The following MYBPC2 variants were observed in gnomAD, a reference collection of about 807,000 sequenced individuals.
The protein encoded by MYBPC2 is myosin-binding protein C, fast-type.
MYBPC2 carries 122 observed loss-of-function variants against 137.0 expected under a neutral mutation model. That is an observed-to-expected ratio of 0.89 (90% confidence interval 0.77 to 1.03). The LOEUF (loss-of-function observed/expected upper bound fraction) is 1.03. Among genes scored for constraint, MYBPC2 ranks in the 50% least tolerant of loss-of-function variants. The pLI, the probability that MYBPC2 is intolerant of heterozygous loss-of-function variation, is 0.00. For missense variants in MYBPC2, 1,500 were observed against 1,534.4 expected, an observed-to-expected ratio of 0.98 and a Z score of 0.37; for synonymous variants, 626 against 612.3, an observed-to-expected ratio of 1.02 and a Z score of -0.33.
In MYBPC2 at chr19:50,452,492, G is replaced by GTATCTATC. The variant is rs762606865; in HGVS notation, c.1749+492_1749+493insCTATCTAT. Among the ~76,000 whole-genome samples the GTATCTATC allele has an allele frequency of 6.3e-3, 776 of 123,024 alleles. 8 individuals are homozygous for GTATCTATC. Among genetic ancestry groups the GTATCTATC allele is most frequent in the Admixed American group, 0.016 (206 of 12,552 alleles). The allele number at this position is 123,024 out of a possible 152,430, so 80.7% of individuals were successfully genotyped here. On this transcript the variant is annotated intron_variant, in intron 16 of 27. Transcript: ENST00000357701. ...TGTATGTATGTATGTATGTATGTAT[G>GTATCTATC]TATGTATGTATGTATGTATCTATCT...
intron 20 of MYBPC2, among the ~76,000 whole-genome samples, chr19:50,455,889 C>T (rs1239319209): frequency 6.6e-6 from 1 of 152,174 alleles, no homozygotes; most frequent in African/African-American, 2.4e-5. Context: ...TCTATCCTTC[C>T]ATCCCCCCAT....
chr19:50,455,978 A>G (rs973508960), intron 20 of MYBPC2, among the ~76,000 whole-genome samples: 4 of 151,810 alleles, frequency 2.6e-5, no homozygotes, highest in African/African-American at 9.7e-5. Flanking sequence ...TCCTTCATCC[A>G]TCTTAACATC....
At chr19:50,444,290 T>TCATCCATCCATCCATCCATCCATC (rs66680495) in intron 11 of MYBPC2, among the ~76,000 whole-genome samples, 1 of 117,804 alleles carries the variant, frequency 8.5e-6, no homozygotes, top group Non-Finnish European at 1.9e-5. Context: ...GTCCATCCAT[T>TCATCCATCCATCCATCCATCCATC]CATCCATCCA....
At position 50,442,307 on chromosome 19, in the gene MYBPC2, G is replaced by T; in HGVS notation, c.896G>T (p.Ser299Ile). 6.2e-7 allele frequency: 1 copy of T among 1,609,000 alleles called. No individual in the cohort carries two copies. Among genetic ancestry groups the T allele is most frequent in the Admixed American group, 1.7e-5 (1 of 59,282 alleles). ...AAGAACGGCCAGGAGATCAAACCAA[G>T]CAGCAAGTATGTGTGGGGTGGGCAG... ...WFKNGQEIKP[S>I]SKYVFENVGK... The change falls in exon 9 of 28, where the codon AGC (serine) becomes ATC (isoleucine). Residue 299 changes from serine (S) to isoleucine (I), a missense_variant. Transcript: ENST00000357701.
At chr19:50,434,658 A>C (rs1436683721) in intron 1 of MYBPC2, among the ~76,000 whole-genome samples, 1 of 152,208 alleles carries the variant, frequency 6.6e-6, no homozygotes, top group Non-Finnish European at 1.5e-5. Context: ...CGCAGGAATC[A>C]TGCACCGCTG....
chr19:50,453,906 T>G (rs969565920), intron 16 of MYBPC2, 114 bp from the exon 17 acceptor site: 5 of 1,226,494 alleles, frequency 4.1e-6, no homozygotes, highest in Admixed American at 2.5e-5. Context: ...GAGTGAGGAC[T>G]CTGTGTGTTG....
intron 24 of MYBPC2, among the ~76,000 whole-genome samples, chr19:50,461,046 C>T (rs1406758485): frequency 6.6e-6 from 1 of 151,106 alleles, no homozygotes; most frequent in Admixed American, 6.6e-5. Flanking sequence ...CTCTGTCACC[C>T]AAGCTGGAAT....
rs961811044 is a variant in MYBPC2, at chr19:50,435,560, G to A, written c.110-216G>A. Reference sequence around the variant, plus strand: ...CCTCCAGTCCACAGATGAGGAAACCGAGGCCCAAAGGGGTGAGGGAGCCTG... The same window carrying A: ...CCTCCAGTCCACAGATGAGGAAACCAAGGCCCAAAGGGGTGAGGGAGCCTG... On this transcript the variant is annotated intron_variant, in intron 2 of 27. Transcript: ENST00000357701. This position sits in a 1 kb window ranked among gnomAD's most constrained non-coding sequence, Gnocchi z 4.8. Among the ~76,000 whole-genome samples the A allele has an allele frequency of 1.3e-5, 2 of 152,350 alleles. No individual in the cohort carries two copies. Among genetic ancestry groups the A allele is most frequent in the South Asian group, 2.1e-4 (1 of 4,832 alleles).
chr19:50,461,537 A>G lies in MYBPC2; in HGVS notation c.2932-5A>G, dbSNP rs2039971364. The G allele has an allele frequency of 1.9e-6, 3 of 1,612,562 alleles. No homozygotes were observed. Among genetic ancestry groups the G allele is most frequent in the African/African-American group, 2.7e-5 (2 of 74,820 alleles). ...CCGCCTGGTCCCTCCCTGTCCCCAC[A>G]CTAGGAGTGGTTCAACGTCTATGAA... On this transcript the variant is annotated splice_region_variant and splice_polypyrimidine_tract_variant and intron_variant, in intron 24 of 27. Transcript: ENST00000357701.
At position 50,435,307 on chromosome 19, in the gene MYBPC2, G is replaced by T; in HGVS notation, c.109+57G>T. Reference sequence around the variant, plus strand: ...CTGGCTTCTCATCTCCATCCTCCTCGCTACGCCTCTCCAGGCCTTTCCCCA... The same window carrying T: ...CTGGCTTCTCATCTCCATCCTCCTCTCTACGCCTCTCCAGGCCTTTCCCCA... On this transcript the variant is annotated intron_variant, in intron 2 of 27. Transcript: ENST00000357701. This position sits in a 1 kb window ranked among gnomAD's most constrained non-coding sequence, Gnocchi z 4.8. 2 of 721,466 alleles carry T rather than the reference G, an allele frequency of 2.8e-6. No individual in the cohort carries two copies. The highest frequency in any genetic ancestry group is 2.5e-6 in the Non-Finnish European group (1 of 392,296). The allele number at this position is 721,466 out of a possible 1,614,324, so 44.7% of individuals were successfully genotyped here. A position where few individuals can be genotyped will look rare whatever the true frequency, so the allele number is the denominator to read the frequency against.
chr19:50,450,128 G>A (rs1401208471), intron 13 of MYBPC2, among the ~76,000 whole-genome samples: 1 of 152,138 alleles, frequency 6.6e-6, no homozygotes, highest in Non-Finnish European at 1.5e-5. Context: ...TTGCACTCCA[G>A]CCTAGGTGAC....
chr19:50,433,621 C>T (rs572299220), intron 1 of MYBPC2, among the ~76,000 whole-genome samples: 6 of 152,034 alleles, frequency 3.9e-5, no homozygotes, highest in Non-Finnish European at 8.8e-5. Context: ...TCTCAAACCC[C>T]CAACCTCAGG....
chr19:50,442,299 C>G lies in MYBPC2; in HGVS notation c.888C>G (p.Ile296Met). 6.2e-7 allele frequency: 1 copy of G among 1,609,048 alleles called. No individual in the cohort carries two copies. The change falls in exon 9 of 28, where the codon ATC (isoleucine) becomes ATG (methionine). Residue 296 changes from isoleucine to methionine, a missense_variant. Ile to Met is a conservative substitution (Grantham distance 10, BLOSUM62 1). Transcript: ENST00000357701. Reference protein sequence around the residue: ...TLKWFKNGQEIKPSSKYVFEN... With the variant: ...TLKWFKNGQEMKPSSKYVFEN... ...AGTGGTTCAAGAACGGCCAGGAGAT[C>G]AAACCAAGCAGCAAGTATGTGTGGG...
chr19:50,459,358 G>T (rs1177230789), intron 23 of MYBPC2, 52 bp downstream of exon 23: 3 of 1,544,302 alleles, frequency 1.9e-6, no homozygotes, highest in Non-Finnish European at 2.6e-6. Flanking sequence ...GGGATGGGCA[G>T]CGATGGGGGA....
chr19:50,452,197 C>T (rs943264405), intron 16 of MYBPC2, among the ~76,000 whole-genome samples, 194 bp downstream of exon 16: 4 of 152,218 alleles, frequency 2.6e-5, no homozygotes, highest in African/African-American at 9.7e-5. Context: ...ATCCATTCAT[C>T]CATTCACCTT....
rs768322627 is a variant in MYBPC2 at position 50,455,138 on chromosome 19, C to G, written c.2045C>G (p.Ser682Cys). Residue 682 changes from serine to cysteine, a missense_variant, in exon 19 of 28, where the codon TCT becomes TGT. Coordinates refer to ENST00000357701, the MANE Select transcript of MYBPC2 (RefSeq NM_004533.4). Reference protein sequence around the residue: ...GYLVERKKKGSQRWMKLNFEV... With the variant: ...GYLVERKKKGCQRWMKLNFEV... Reference sequence around the variant, plus strand: ...CTCGTAGAGCGGAAGAAGAAGGGCTCTCAGCGCTGGATGAAGCTGAACTTT... The same window carrying G: ...CTCGTAGAGCGGAAGAAGAAGGGCTGTCAGCGCTGGATGAAGCTGAACTTT... 3.7e-6 allele frequency: 6 copies of G among 1,613,468 alleles called. No homozygotes were observed. The highest frequency in any genetic ancestry group is 2.2e-5 in the South Asian group (2 of 91,056).
rs780606199 is a variant in MYBPC2, at chr19:50,455,539, G to A, written c.2233G>A (p.Val745Met). 6.2e-7 allele frequency: 1 copy of A among 1,613,920 alleles called. No homozygotes were observed. Among genetic ancestry groups the A allele is most frequent in the Non-Finnish European group, 8.5e-7 (1 of 1,179,882 alleles). ...APTSEPLHLI[V>M]EDVTDTTTTL... is the part of the protein sequence containing the mutation. ...CACGAGTGAACCCCTGCACCTGATA[G>A]TGGAGGATGTGACAGACACCACCAC... The change falls in exon 20 of 28, where the codon GTG becomes ATG. Residue 745 changes from valine (V) to methionine (M), a missense_variant. Physicochemically the swap from Val to Met is conservative, Grantham distance 21. Transcript: ENST00000357701.
intron 16 of MYBPC2, among the ~76,000 whole-genome samples, chr19:50,452,452 C>G (rs1467678518): frequency 4.5e-4 from 68 of 150,978 alleles, no homozygotes; most frequent in Middle Eastern, 3.5e-3. Context: ...ATCTGTCTAT[C>G]TATCTATGTA....
intron 16 of MYBPC2, 114 bp downstream of exon 16, chr19:50,452,117 G>A: frequency 8.3e-7 from 1 of 1,204,068 alleles, no homozygotes; most frequent in Non-Finnish European, 1.2e-6. Context: ...CTTCTTCACA[G>A]GGTTGTTTTG....
Sources: gnomAD v4.1 joint callset for allele counts (sites outside exome capture counted in the v4.1 genomes callset) on GRCh38, gnomAD v4.1.1 for gene constraint, Gnocchi (gnomAD v3.1) non-coding constraint, MANE v1.5 for transcripts, NCBI Gene and HGNC (gene_info 2026-07-23, HGNC 2026-07-21) for gene names.